Variants in IQCM observed in about 807,000 individuals in gnomAD.
IQCM encodes the protein IQ domain-containing protein M.
IQCM carries 45 observed loss-of-function variants against 57.6 expected under a neutral mutation model. That is an observed-to-expected ratio of 0.78 (90% confidence interval 0.62 to 1.00). IQCM has a LOEUF of 1.00. Among genes scored for constraint, IQCM ranks in the 50% least tolerant of loss-of-function variants. The pLI, the probability that IQCM is intolerant of heterozygous loss-of-function variation, is 0.00. For missense variants in IQCM, 468 were observed against 511.6 expected (o/e 0.91, Z 0.82); for synonymous variants, 148 against 158.9 (o/e 0.93, Z 0.51).
In IQCM at chr4:149,740,668, G is replaced by A. The variant is rs538919860; in HGVS notation, c.37+1987C>T. On this transcript the variant is annotated intron_variant, in intron 3 of 13. Coordinates refer to ENST00000636793, the MANE Select transcript of IQCM (RefSeq NM_001363507.2). ...CATTAATTTCATGTGCCTTGGGGGT[G>A]CTTCCTTCTTTCAATCAGAGGCTCA... 1.7e-4 allele frequency among the ~76,000 whole-genome samples: 20 copies of A among 117,976 alleles called. 1 individual carries two copies. In the East Asian group the frequency reaches 5.3e-3, roughly 31 times the overall value. 77.4% of individuals were successfully genotyped at this position (117,976 alleles called of 152,430 possible).
At chr4:149,799,795 G>T (rs1244295921) in intron 2 of IQCM, among the ~76,000 whole-genome samples, 2 of 151,248 alleles carry the variant, frequency 1.3e-5, no homozygotes, top group Non-Finnish European at 3.0e-5. Context: ...TCCAAAACCT[G>T]ATCAGATGAG....
At chr4:149,633,114 T>G (rs553009467) in intron 7 of IQCM, among the ~76,000 whole-genome samples, 2,321 of 142,074 alleles carry the variant, frequency 0.016, 74 homozygotes, top group African/African-American at 0.059. Flanking sequence ...TGAGCCGAGA[T>G]TGCGCCACTG....
chr4:149,471,561 C>T (rs192312746), intron 12 of IQCM, among the ~76,000 whole-genome samples: 1 of 152,286 alleles, frequency 6.6e-6, no homozygotes, highest in Admixed American at 6.5e-5. Context: ...TGGTACCATT[C>T]CTTCTGAAAG....
In IQCM at chr4:149,609,253, C is replaced by A. The variant is rs77413468; in HGVS notation, c.681+11876G>T. Among the ~76,000 whole-genome samples, 727 of 151,828 alleles carry A rather than the reference C, an allele frequency of 4.8e-3. 15 individuals are homozygous for A. Among genetic ancestry groups the A allele is most frequent in the Non-Finnish European group, 3.4e-3 (232 of 67,736 alleles). On this transcript the variant is annotated intron_variant, in intron 8 of 13. Coordinates refer to ENST00000636793, the MANE Select transcript of IQCM (RefSeq NM_001363507.2). ...GAGATAGAAGCAGTAATTTAAAAAT[C>A]TCCCATCAGAGAAAAGTCCAGGACC... is the stretch of plus-strand genomic sequence containing the variant.
rs190704265 is a variant in IQCM, at chr4:149,665,100, C to A, written c.565+17018G>T. Among the ~76,000 whole-genome samples the A allele has an allele frequency of 6.6e-5, 10 of 152,244 alleles. 1 individual carries two copies. In the East Asian group the frequency reaches 1.9e-3, roughly 30 times the overall value. On this transcript the variant is annotated intron_variant, in intron 7 of 13. Transcript: ENST00000636793. Reference sequence around the variant, plus strand: ...GTGGTGGAACAACTGTAGGGCCTCACAAATGGAAAGAGTCAGTGGCTACTG... The same window carrying A: ...GTGGTGGAACAACTGTAGGGCCTCAAAAATGGAAAGAGTCAGTGGCTACTG...
At chr4:149,491,719 G>C (rs1006357777) in intron 12 of IQCM, among the ~76,000 whole-genome samples, 5 of 151,990 alleles carry the variant, frequency 3.3e-5, no homozygotes, top group Non-Finnish European at 7.4e-5. Flanking sequence ...AATGAACATG[G>C]GGTGCAGATG....
At chr4:149,579,805 T>C (rs1579565547) in intron 9 of IQCM, among the ~76,000 whole-genome samples, 1 of 151,828 alleles carries the variant, frequency 6.6e-6, no homozygotes, top group Admixed American at 6.6e-5. Context: ...TTTCAGGAGA[T>C]GCAGTCTCTA....
At chr4:149,485,658 A>T (rs1741395012) in intron 12 of IQCM, among the ~76,000 whole-genome samples, 1 of 152,040 alleles carries the variant, frequency 6.6e-6, no homozygotes, top group Non-Finnish European at 1.5e-5. Flanking sequence ...ACCTATTTTG[A>T]ATTCTCTGTC....
At chr4:149,413,692 TC>T (rs1275312149) in intron 13 of IQCM, among the ~76,000 whole-genome samples, 3 of 152,224 alleles carry the variant, frequency 2.0e-5, no homozygotes, top group African/African-American at 7.2e-5. Flanking sequence ...TCCATGTTTC[TC>T]TGTTTTTGAA....
intron 7 of IQCM, among the ~76,000 whole-genome samples, chr4:149,650,454 G>T (rs1024793181): frequency 2.0e-5 from 3 of 148,218 alleles, no homozygotes; most frequent in Non-Finnish European, 3.0e-5. Flanking sequence ...GTGCAGTGGC[G>T]TGATCTTGGT....
chr4:149,708,443 GA>G (rs944394189), intron 5 of IQCM, among the ~76,000 whole-genome samples: 11 of 145,980 alleles, frequency 7.5e-5, no homozygotes, highest in East Asian at 6.0e-4. Context: ...CAGGTGCCTA[GA>G]AAAAAAAAAG....
intron 13 of IQCM, among the ~76,000 whole-genome samples, chr4:149,407,067 T>G (rs979978200): frequency 6.6e-6 from 1 of 152,028 alleles, no homozygotes; most frequent in African/African-American, 2.4e-5. Context: ...GAGAGCCAAG[T>G]GAAAGAGGTT....
At chr4:149,589,307 A>G (rs528584661) in intron 8 of IQCM, among the ~76,000 whole-genome samples, 3 of 152,110 alleles carry the variant, frequency 2.0e-5, no homozygotes, top group African/African-American at 4.8e-5. Context: ...GGTCAGTGAT[A>G]TATGGTGTGC....
chr4:149,521,890 G>A (rs1382458943), intron 12 of IQCM, among the ~76,000 whole-genome samples: 1 of 152,136 alleles, frequency 6.6e-6, no homozygotes, highest in African/African-American at 2.4e-5. Flanking sequence ...TCAGGCCAGG[G>A]CTCAGTAGAT....
At position 149,467,907 on chromosome 4, in the gene IQCM, T is replaced by C. The variant is rs564148039; in HGVS notation, c.1229-34350A>G. Reference sequence around the variant, plus strand: ...GACTAAGGAGCCTGTTGATGCTGTTTATACATTTCATCAATGCAGGGCACA... The same window carrying C: ...GACTAAGGAGCCTGTTGATGCTGTTCATACATTTCATCAATGCAGGGCACA... On this transcript the variant is annotated intron_variant, in intron 12 of 13. Transcript: ENST00000636793. 2.0e-5 allele frequency among the ~76,000 whole-genome samples: 3 copies of C among 152,312 alleles called. No homozygotes were observed. In the South Asian group the frequency reaches 6.2e-4, roughly 32 times the overall value.
intron 7 of IQCM, among the ~76,000 whole-genome samples, chr4:149,680,734 T>A (rs1342448732): frequency 6.6e-6 from 1 of 151,448 alleles, no homozygotes; most frequent in African/African-American, 2.4e-5. Flanking sequence ...ATTTCAAAAC[T>A]TATCACATGG....
At chr4:149,801,287 G>C (rs1242744666) in intron 2 of IQCM, among the ~76,000 whole-genome samples, 2 of 151,960 alleles carry the variant, frequency 1.3e-5, no homozygotes, top group Non-Finnish European at 2.9e-5. Flanking sequence ...TACACTGTTG[G>C]TGGGAATGTA....
intron 12 of IQCM, among the ~76,000 whole-genome samples, chr4:149,492,147 A>C (rs1742160902): frequency 6.6e-6 from 1 of 152,048 alleles, no homozygotes; most frequent in African/African-American, 2.4e-5. Context: ...TACATTTTGG[A>C]TATTAACCTC....
chr4:149,693,485 G>T (rs1428573814), intron 5 of IQCM, among the ~76,000 whole-genome samples: 1 of 152,006 alleles, frequency 6.6e-6, no homozygotes, highest in Non-Finnish European at 1.5e-5. Context: ...TCCCCTAATA[G>T]AGTCATTAAA....
Sources: allele counts gnomAD v4.1 joint callset (sites outside exome capture counted in the v4.1 genomes callset), GRCh38; gene constraint gnomAD v4.1.1; transcripts MANE v1.5; gene names NCBI Gene and HGNC (gene_info 2026-07-23, HGNC 2026-07-21).